The following CERS3 variants were observed in gnomAD, a reference collection of about 807,000 sequenced individuals.
CERS3 encodes ceramide synthase 3.
Under a neutral mutation model 50.3 loss-of-function variants are expected in CERS3, and 33 were observed. That is an observed-to-expected ratio of 0.66 (90% CI 0.50 to 0.88). The LOEUF is 0.88. CERS3 is among the 40% of genes least tolerant of loss of function. The probability of loss-of-function intolerance (pLI) is 0.00; values close to 1 mark genes in which losing one functional copy is unlikely to be tolerated. For synonymous variants in CERS3, 176 were observed against 155.2 expected, an observed-to-expected ratio of 1.13 and a Z score of -0.99; for missense variants, 470 against 460.3, an observed-to-expected ratio of 1.02 and a Z score of -0.19.
chr15:100,444,645 T>C (rs1445938287), intron 11 of CERS3, among the ~76,000 whole-genome samples: 1 of 152,192 alleles, frequency 6.6e-6, no homozygotes, highest in Non-Finnish European at 1.5e-5. Flanking sequence ...GCTATTCTAC[T>C]GCTCCTCAGG....
chr15:100,409,164 G>A (rs1329342771), intron 11 of CERS3, among the ~76,000 whole-genome samples: 2 of 152,100 alleles, frequency 1.3e-5, no homozygotes, highest in East Asian at 1.9e-4. Context: ...GCCCCGTCTC[G>A]CTACATCTTC....
chr15:100,543,626 T>C (rs1470929319), intron 1 of CERS3, among the ~76,000 whole-genome samples: 2 of 151,180 alleles, frequency 1.3e-5, no homozygotes, highest in Non-Finnish European at 3.0e-5. Context: ...GCCTCCTGGG[T>C]TCAAGCGATT....
chr15:100,432,261 C>T (rs955836550), intron 11 of CERS3, among the ~76,000 whole-genome samples: 1 of 152,052 alleles, frequency 6.6e-6, no homozygotes, highest in Admixed American at 6.6e-5. Context: ...AACAGGTCAT[C>T]AAAAATATTT....
At chr15:100,509,902 A>T (rs2036290499) in intron 2 of CERS3, among the ~76,000 whole-genome samples, 1 of 152,206 alleles carries the variant, frequency 6.6e-6, no homozygotes, top group Non-Finnish European at 1.5e-5. Flanking sequence ...TTAATTATCT[A>T]AAAACAACTT....
intron 11 of CERS3, among the ~76,000 whole-genome samples, chr15:100,453,014 C>G (rs2034228902): frequency 6.6e-6 from 1 of 151,706 alleles, no homozygotes; most frequent in South Asian, 2.1e-4. Context: ...AAAAGTCTTT[C>G]AACAAAGAAA....
At chr15:100,406,504 T>C (rs1025755316) in intron 11 of CERS3, among the ~76,000 whole-genome samples, 2 of 152,176 alleles carry the variant, frequency 1.3e-5, no homozygotes, top group African/African-American at 2.4e-5. Flanking sequence ...TTCAACTTCA[T>C]GGGGCTCATC....
At chr15:100,521,868 G>C (rs1358497431) in intron 1 of CERS3, 112 bp from the exon 2 acceptor site, 1 of 152,200 alleles carries the variant, frequency 6.6e-6, no homozygotes, top group Non-Finnish European at 1.5e-5. Flanking sequence ...CAACGGGAGA[G>C]CTTGGTGCTG....
intron 10 of CERS3, among the ~76,000 whole-genome samples, chr15:100,457,847 C>T (rs1410725171): frequency 6.6e-6 from 1 of 152,104 alleles, no homozygotes; most frequent in African/African-American, 2.4e-5. Context: ...ATATTTTTGC[C>T]ACTGCAGTAA....
At chr15:100,449,738 A>G (rs1444162937) in intron 11 of CERS3, among the ~76,000 whole-genome samples, 1 of 152,250 alleles carries the variant, frequency 6.6e-6, no homozygotes, top group Admixed American at 6.5e-5. Context: ...TCTTCAGGAA[A>G]ATATCCTCCT....
chr15:100,504,184 T>G (rs2036098210), intron 2 of CERS3, among the ~76,000 whole-genome samples: 2 of 151,166 alleles, frequency 1.3e-5, no homozygotes, highest in Admixed American at 6.6e-5. Context: ...CCCAGTCGCC[T>G]CCACACCTGC....
intron 1 of CERS3, among the ~76,000 whole-genome samples, chr15:100,541,623 T>A (rs779091469): frequency 9.9e-5 from 15 of 152,232 alleles, no homozygotes; most frequent in Non-Finnish European, 1.6e-4. Flanking sequence ...TGTTTCTTTG[T>A]TGGGTGCTGT....
At chr15:100,512,519 G>A (rs533584769) in intron 2 of CERS3, among the ~76,000 whole-genome samples, 23 of 152,258 alleles carry the variant, frequency 1.5e-4, no homozygotes, top group South Asian at 1.2e-3. Flanking sequence ...AGCAAGTTCC[G>A]CTGGTACCAT....
rs768823259 is a variant in CERS3 at position 100,501,681 on chromosome 15, C to T, written c.169G>A (p.Glu57Lys). Residue 57 changes from glutamate (E) to lysine (K), a missense_variant, in exon 3 of 12, where the codon GAA becomes AAA. By Grantham distance (56) the Glu-to-Lys change is moderately conservative. Coordinates refer to ENST00000679737, the MANE Select transcript of CERS3 (RefSeq NM_001378789.1). ...AAAGACACAAGTACTACTTACTTTTCAAATACACGTCTGATAATCAGCAAG... is the reference window on the plus strand; with the variant it reads ...AAAGACACAAGTACTACTTACTTTTTAAATACACGTCTGATAATCAGCAAG... ...FLLLIIRRVF[E>K]KFVASPLAKS... The T allele has an allele frequency of 6.2e-7, 1 of 1,611,958 alleles. No individual in the cohort carries two copies. The highest frequency in any genetic ancestry group is 8.5e-7 in the Non-Finnish European group (1 of 1,178,240).
intron 3 of CERS3, among the ~76,000 whole-genome samples, 198 bp from the exon 4 acceptor site, chr15:100,491,129 A>G (rs2035638406): frequency 6.6e-6 from 1 of 152,190 alleles, no homozygotes; most frequent in South Asian, 2.1e-4. Flanking sequence ...GATTAAAAAA[A>G]AAACACTTGC....
At chr15:100,435,945 A>C (rs2033383263) in intron 11 of CERS3, among the ~76,000 whole-genome samples, 1 of 152,234 alleles carries the variant, frequency 6.6e-6, no homozygotes, top group Non-Finnish European at 1.5e-5. Context: ...CACCAGCTAG[A>C]ATGGTGATCA....
chr15:100,493,133 T>C (rs2035702208), intron 3 of CERS3, among the ~76,000 whole-genome samples: 1 of 152,220 alleles, frequency 6.6e-6, no homozygotes, highest in South Asian at 2.1e-4. Flanking sequence ...TTTTATTTTC[T>C]TATGTAGTTA....
chr15:100,407,978 TCTC>T (rs1003504787), intron 11 of CERS3, among the ~76,000 whole-genome samples: 4 of 152,160 alleles, frequency 2.6e-5, no homozygotes, highest in African/African-American at 9.7e-5. Flanking sequence ...TTCAAGTGAT[TCTC>T]CTGCCTCAGC....
At chr15:100,446,720 G>T (rs749420896) in intron 11 of CERS3, among the ~76,000 whole-genome samples, 11 of 152,070 alleles carry the variant, frequency 7.2e-5, no homozygotes, top group Admixed American at 2.6e-4. Flanking sequence ...ACTCCCTTAT[G>T]TAAACCAAAA....
chr15:100,513,517 A>G (rs556374854), intron 2 of CERS3, among the ~76,000 whole-genome samples: 24 of 148,252 alleles, frequency 1.6e-4, no homozygotes, highest in African/African-American at 5.0e-4. Context: ...TGAAAGCAAA[A>G]GGCAAAGTTC....
Sources: gnomAD v4.1 joint callset for allele counts (sites outside exome capture counted in the v4.1 genomes callset) on GRCh38, gnomAD v4.1.1 for gene constraint, MANE v1.5 for transcripts, NCBI Gene and HGNC (gene_info 2026-07-23, HGNC 2026-07-21) for gene names.